The following SLC19A3 variants were observed in gnomAD, a reference collection of about 807,000 sequenced individuals.
SLC19A3 encodes thiamine transporter 2.
Under a neutral mutation model 40.2 loss-of-function variants are expected in SLC19A3, and 31 were observed. That is an observed-to-expected ratio of 0.77 (90% CI 0.58 to 1.04). SLC19A3 has a LOEUF of 1.04. SLC19A3 is among the 50% of genes least tolerant of loss of function. The pLI is 0.00. For missense variants in SLC19A3, 592 were observed against 596.7 expected (o/e 0.99, Z 0.08); for synonymous variants, 212 against 227.5 (o/e 0.93, Z 0.61).
chr2:227,689,977 T>A (rs1695158158), intron 4 of SLC19A3, among the ~76,000 whole-genome samples: 1 of 152,148 alleles, frequency 6.6e-6, no homozygotes, highest in African/African-American at 2.4e-5. Flanking sequence ...GCAAGCCTCA[T>A]GGTAATCTCA....
At chr2:227,700,824 T>A (rs1695656978) in intron 2 of SLC19A3, 1 of 800,322 alleles carries the variant, frequency 1.2e-6, no homozygotes, top group Admixed American at 2.9e-5. Context: ...ATGCATGGGA[T>A]CTCAATTTTC....
intron 1 of SLC19A3, among the ~76,000 whole-genome samples, chr2:227,715,975 A>T (rs1696322193): frequency 7.1e-6 from 1 of 141,166 alleles, no homozygotes; most frequent in African/African-American, 2.5e-5. Flanking sequence ...AAAAAAAAAA[A>T]TTTCAAAAAC....
intron 1 of SLC19A3, among the ~76,000 whole-genome samples, chr2:227,713,814 C>G (rs1237691651): frequency 1.3e-5 from 2 of 149,012 alleles, no homozygotes; most frequent in Admixed American, 6.7e-5. Flanking sequence ...AACAACAAAA[C>G]AAATCACTGA....
intron 3 of SLC19A3, among the ~76,000 whole-genome samples, chr2:227,698,367 T>C (rs138116452): frequency 6.6e-6 from 1 of 151,972 alleles, no homozygotes; most frequent in East Asian, 2.0e-4. Context: ...TTCACCGTGT[T>C]AGCCAGGATG....
chr2:227,713,314 A>T (rs1696204764), intron 1 of SLC19A3, among the ~76,000 whole-genome samples: 1 of 151,624 alleles, frequency 6.6e-6, no homozygotes, highest in South Asian at 2.1e-4. Flanking sequence ...AGGCAGGAAA[A>T]TCCCTTGAGC....
chr2:227,704,421 T>C (rs538843321), intron 1 of SLC19A3, among the ~76,000 whole-genome samples: 3 of 152,360 alleles, frequency 2.0e-5, no homozygotes, highest in Admixed American at 2.0e-4. Context: ...TTTTACATTT[T>C]GAAAATGATT....
intron 3 of SLC19A3, among the ~76,000 whole-genome samples, chr2:227,698,358 T>C (rs1695523177): frequency 6.6e-6 from 1 of 151,798 alleles, no homozygotes; most frequent in Non-Finnish European, 1.5e-5. Flanking sequence ...AGATGGGGTT[T>C]CACCGTGTTA....
At chr2:227,710,513 T>C (rs893601210) in intron 1 of SLC19A3, among the ~76,000 whole-genome samples, 1 of 152,104 alleles carries the variant, frequency 6.6e-6, no homozygotes, top group Non-Finnish European at 1.5e-5. Flanking sequence ...CTGGCCAACA[T>C]GGCAAAACTC....
chr2:227,683,778 G>A lies in SLC19A3; in HGVS notation c.*3619C>T, dbSNP rs1387343547. ...TAGGCAATCATTGGTATGAGTTTCA[G>A]TTGTTTATTTATTTGTTTGATTGTT... is the stretch of plus-strand genomic sequence containing the variant. On this transcript the variant is annotated 3_prime_UTR_variant, in exon 6 of 6. Transcript: ENST00000644224. The A allele has an allele frequency of 1.3e-5, 2 of 152,086 alleles. No homozygotes were observed. The highest frequency in any genetic ancestry group is 4.8e-5 in the African/African-American group (2 of 41,416). The allele number at this position is 152,086 out of a possible 1,614,324, so 9.4% of individuals were successfully genotyped here. A position where few individuals can be genotyped will look rare whatever the true frequency, so the allele number is the denominator to read the frequency against.
In SLC19A3 at chr2:227,687,081, T is replaced by C. The variant is rs1559240896; in HGVS notation, c.*316A>G. ...CAACTCCAGGATGGCTGGAGTTTTC[T>C]CATGGTTTGGTTCCACGCCATCTGC... On this transcript the variant is annotated 3_prime_UTR_variant, in exon 6 of 6. Coordinates refer to ENST00000644224, the MANE Select transcript of SLC19A3 (RefSeq NM_025243.4). The C allele has an allele frequency of 8.8e-6, 2 of 226,088 alleles. No individual in the cohort carries two copies. Among genetic ancestry groups the C allele is most frequent in the South Asian group, 9.6e-5 (1 of 10,384 alleles). 14.0% of individuals were successfully genotyped at this position (226,088 alleles called of 1,614,324 possible). A position where few individuals can be genotyped will look rare whatever the true frequency, so the allele number is the denominator to read the frequency against.
intron 4 of SLC19A3, among the ~76,000 whole-genome samples, chr2:227,691,325 G>A (rs1288010398): frequency 6.6e-6 from 1 of 152,168 alleles, no homozygotes; most frequent in African/African-American, 2.4e-5. Flanking sequence ...AAAGAAGAGA[G>A]GCCGGGTGTG....
chr2:227,705,673 C>T (rs953219442), intron 1 of SLC19A3, among the ~76,000 whole-genome samples: 3 of 151,924 alleles, frequency 2.0e-5, no homozygotes, highest in African/African-American at 4.8e-5. Context: ...ATGATGAGAA[C>T]GCATGGACAC....
intron 4 of SLC19A3, among the ~76,000 whole-genome samples, chr2:227,693,025 G>C (rs1190121075): frequency 2.0e-5 from 3 of 152,082 alleles, no homozygotes; most frequent in Admixed American, 1.3e-4. Flanking sequence ...ATAAAACACT[G>C]ATACAAGAAA....
chr2:227,708,810 C>CAA (rs201700390), intron 1 of SLC19A3, among the ~76,000 whole-genome samples: 1 of 151,308 alleles, frequency 6.6e-6, no homozygotes, highest in Non-Finnish European at 1.5e-5. Flanking sequence ...TAGTGGGAAA[C>CAA]AAAAAAAAAT....
At chr2:227,717,853 TCTCCAAACCCGG>T (rs1329354663) in intron 1 of SLC19A3, 78 bp downstream of exon 1, 50 of 954,892 alleles carry the variant, frequency 5.2e-5, no homozygotes, top group Admixed American at 1.2e-4. Context: ...CGCCCCCAGC[TCTCCAAACCCGG>T]GAAGAGAGAG....
intron 4 of SLC19A3, among the ~76,000 whole-genome samples, chr2:227,695,126 A>G (rs1695375205): frequency 6.6e-6 from 1 of 152,176 alleles, no homozygotes; most frequent in South Asian, 2.1e-4. Context: ...TTATCTTTGC[A>G]TCTACTTTTT....
Position 227,714,805 on chromosome 2 carries a change from C to CTTTTTT in SLC19A3, c.-3+3132_-3+3137dup, listed in dbSNP as rs869073195. On this transcript the variant is annotated intron_variant, in intron 1 of 5. Transcript: ENST00000644224. Reference sequence around the variant, plus strand: ...TGAATAACACCTTTCCCTGACTATTCTTTTTTTTTTTTTTTTTTTTTTTGA... The same window carrying CTTTTTT: ...TGAATAACACCTTTCCCTGACTATTCTTTTTTTTTTTTTTTTTTTTTTTTTTTTTGA... 1.7e-3 allele frequency among the ~76,000 whole-genome samples: 136 copies of CTTTTTT among 79,908 alleles called. 1 individual carries two copies. Among genetic ancestry groups the CTTTTTT allele is most frequent in the East Asian group, 4.8e-3 (11 of 2,310 alleles). The allele number at this position is 79,908 out of a possible 152,430, so 52.4% of individuals were successfully genotyped here.
chr2:227,687,777 A>G (rs1276488738), intron 5 of SLC19A3, among the ~76,000 whole-genome samples: 1 of 152,154 alleles, frequency 6.6e-6, no homozygotes, highest in Non-Finnish European at 1.5e-5. Flanking sequence ...GGTGACTAAG[A>G]GTCTTGGCTT....
At chr2:227,704,729 G>C (rs62191378) in intron 1 of SLC19A3, among the ~76,000 whole-genome samples, 26,596 of 151,916 alleles carry the variant, frequency 0.18, 2,866 homozygotes, top group African/African-American at 0.29. Flanking sequence ...TCAAGGTGTC[G>C]GTGAGCTGTG....
Sources: gnomAD v4.1 joint callset for allele counts (sites outside exome capture counted in the v4.1 genomes callset) on GRCh38, gnomAD v4.1.1 for gene constraint, MANE v1.5 for transcripts, NCBI Gene and HGNC (gene_info 2026-07-23, HGNC 2026-07-21) for gene names.